Variants in PCDHGB6 observed in about 807,000 individuals in gnomAD.
PCDHGB6 encodes the protein protocadherin gamma-B6.
In PCDHGB6, 51 loss-of-function variants were observed where a neutral mutation model predicts 59.1. That is an observed-to-expected ratio of 0.86 (90% CI 0.69 to 1.09). The LOEUF is 1.09. Ranked by LOEUF, PCDHGB6 falls within the 50% of genes least tolerant of loss-of-function variation. The pLI is 0.00. For synonymous variants in PCDHGB6, 466 were observed against 495.1 expected (o/e 0.94, Z 0.78); for missense variants, 1,148 against 1,205.1 (o/e 0.95, Z 0.70).
rs761331515 is a variant in PCDHGB6, at chr5:141,409,857, T to C, written c.1655T>C (p.Val552Ala). The C allele has an allele frequency of 1.2e-6, 2 of 1,612,228 alleles. No homozygotes were observed. The highest frequency in any genetic ancestry group is 2.7e-5 in the African/African-American group (2 of 74,882). The change falls in exon 1 of 4, where the codon GTG becomes GCG. Residue 552 changes from valine (V) to alanine (A), a missense_variant. By Grantham distance (64) the Val-to-Ala change is moderately conservative. This residue lies in a region of PCDHGB6 where 549 missense variants were observed against 527.5 expected (regional missense o/e 1.04). Transcript: ENST00000520790. The stretch of plus-strand genomic sequence containing the variant: ...GCCAACGTGAGCCTGCGCGTGTTGG[T>C]GGGAGACCGCAATGACAACGCACCG... ...LSANVSLRVL[V>A]GDRNDNAPRV...
At chr5:141,471,217 T>G (rs2099252724) in intron 1 of PCDHGB6, 1 of 151,568 alleles carries the variant, frequency 6.6e-6, no homozygotes, top group South Asian at 2.1e-4. Context: ...GCCTGGCAAT[T>G]TTTTTGTATT....
At chr5:141,460,335 T>C (rs1201595717) in intron 1 of PCDHGB6, among the ~76,000 whole-genome samples, 3 of 152,194 alleles carry the variant, frequency 2.0e-5, no homozygotes, top group Non-Finnish European at 4.4e-5. Flanking sequence ...CTTATGATGA[T>C]TTTCTCCTAT....
intron 1 of PCDHGB6, chr5:141,423,914 A>G (rs2096790099): frequency 3.0e-5 from 38 of 1,268,116 alleles, no homozygotes; most frequent in Non-Finnish European, 3.0e-6. Flanking sequence ...GGGGCCATTC[A>G]ACTATGCTGG....
chr5:141,435,804 A>AT (rs2097781092), intron 1 of PCDHGB6, among the ~76,000 whole-genome samples: 1 of 151,814 alleles, frequency 6.6e-6, no homozygotes, highest in Non-Finnish European at 1.5e-5. Flanking sequence ...CGTCCCAATT[A>AT]TTTTTTCTTT....
chr5:141,501,390 T>TCAC (rs1033806087), intron 2 of PCDHGB6, among the ~76,000 whole-genome samples: 4 of 151,794 alleles, frequency 2.6e-5, no homozygotes, highest in African/African-American at 9.7e-5. Flanking sequence ...CTAGGTCCTG[T>TCAC]CACAGGCCAC....
rs771946302 is a variant in PCDHGB6, at chr5:141,410,024, G to A, written c.1822G>A (p.Val608Met). 1.9e-6 allele frequency: 3 copies of A among 1,613,164 alleles called. No individual in the cohort carries two copies. The highest frequency in any genetic ancestry group is 1.1e-5 in the South Asian group (1 of 91,088). ...ACACAACGCCTGGCTGTCCTACCAC[G>A]TGCTGCAGGCCAGTGAGCCCGGACT... ...SGHNAWLSYH[V>M]LQASEPGLFS... Residue 608 changes from valine to methionine, a missense_variant, in exon 1 of 4, where the codon GTG becomes ATG. Around this residue, in one of 5 missense-constraint regions of PCDHGB6, gnomAD observed 549 missense variants for 527.5 expected, o/e 1.04. Coordinates refer to ENST00000520790, the MANE Select transcript of PCDHGB6 (RefSeq NM_018926.3).
Position 141,409,183 on chromosome 5 carries a change from C to G in PCDHGB6, c.981C>G (p.Leu327=), listed in dbSNP as rs1217234895. 6 of 1,614,028 alleles carry G rather than the reference C, an allele frequency of 3.7e-6. No homozygotes were observed. The highest frequency in any genetic ancestry group is 5.1e-6 in the Non-Finnish European group (6 of 1,179,906). ...TGGAAGCGAAGGACGGAGGTGGTCT[C>G]TCTACCCAGTGTAAAGTAATCATAG... ...MEVEAKDGGG[L]STQCKVIIEI... is the part of the protein sequence containing the mutation. The change falls in exon 1 of 4, where the codon CTC becomes CTG. Residue 327 remains leucine (L), a synonymous_variant. Transcript: ENST00000520790.
Position 141,485,618 on chromosome 5 carries a change from G to A in PCDHGB6, c.2419-9189G>A, listed in dbSNP as rs2099616729. 2.5e-6 allele frequency: 4 copies of A among 1,612,092 alleles called. No individual in the cohort carries two copies. Among genetic ancestry groups the A allele is most frequent in the Non-Finnish European group, 3.4e-6 (4 of 1,178,672 alleles). On this transcript the variant is annotated intron_variant, in intron 1 of 3. Coordinates refer to ENST00000520790, the MANE Select transcript of PCDHGB6 (RefSeq NM_018926.3). This position sits in a 1 kb window ranked among gnomAD's most constrained non-coding sequence, Gnocchi z 5.7. The stretch of plus-strand genomic sequence containing the variant: ...GGAAATTGGGGAGGCAGCTCCTCCA[G>A]GACAGCGTTTCCCGTTGGAAAAGGC...
In PCDHGB6 at chr5:141,486,444, T is replaced by C. The variant is rs769032995; in HGVS notation, c.2419-8363T>C. 2 of 1,614,086 alleles carry C rather than the reference T, an allele frequency of 1.2e-6. No individual in the cohort carries two copies. On this transcript the variant is annotated intron_variant, in intron 1 of 3. Transcript: ENST00000520790. This position sits in a 1 kb window ranked among gnomAD's most constrained non-coding sequence, Gnocchi z 5.0. ...GAGGCCAAATCTAGCTATGACATCA[T>C]GGTCACTGCTTCTGATGCTGGGAAC...
chr5:141,410,333 A>G lies in PCDHGB6; in HGVS notation c.2131A>G (p.Ile711Val), dbSNP rs774436706. 4.7e-5 allele frequency: 76 copies of G among 1,613,666 alleles called. No individual in the cohort carries two copies. Among genetic ancestry groups the G allele is most frequent in the Non-Finnish European group, 4.0e-5 (47 of 1,179,884 alleles). ...CTTCCTCCTCGCCGTGATTCTGGCC[A>G]TTGCCTTGCGCCTGCGACGCTCTCT... ...VLFLLAVILA[I>V]ALRLRRSLSP... Residue 711 changes from isoleucine to valine, a missense_variant, in exon 1 of 4, where the codon ATT becomes GTT. This residue lies in a region of PCDHGB6 where 283 missense variants were observed against 318.6 expected (regional missense o/e 0.89). Transcript: ENST00000520790.
intron 1 of PCDHGB6, chr5:141,419,779 GC>G: frequency 1.2e-6 from 2 of 1,614,064 alleles, no homozygotes; most frequent in African/African-American, 2.7e-5. Context: ...CGGTCCGCCA[GC>G]GCCTGCTAGT....
intron 1 of PCDHGB6, chr5:141,423,311 T>G: frequency 2.5e-6 from 4 of 1,614,134 alleles, no homozygotes; most frequent in Non-Finnish European, 3.4e-6. Flanking sequence ...CTGTACTTGG[T>G]GGTGGCGGTG....
chr5:141,474,499 C>T (rs1480109147), intron 1 of PCDHGB6, among the ~76,000 whole-genome samples: 1 of 152,198 alleles, frequency 6.6e-6, no homozygotes, highest in Non-Finnish European at 1.5e-5. Context: ...TCTTCTAATG[C>T]CTATCAGCCC....
At position 141,408,897 on chromosome 5, in the gene PCDHGB6, T is replaced by C. The variant is rs1156707427; in HGVS notation, c.695T>C (p.Val232Ala). 6.2e-7 allele frequency: 1 copy of C among 1,613,118 alleles called. No individual in the cohort carries two copies. The highest frequency in any genetic ancestry group is 2.2e-5 in the East Asian group (1 of 44,852). The change falls in exon 1 of 4, where the codon GTC (valine) becomes GCC (alanine). Residue 232 changes from valine to alanine, a missense_variant. Val to Ala is a moderately conservative substitution (Grantham distance 64). Transcript: ENST00000520790. ...GCCACCGCTCACATAGAAATTTCTG[T>C]CAAGGATACCAATGATAACCCCCCG... ...RSATAHIEISVKDTNDNPPVF... is the reference protein window; with the variant it reads ...RSATAHIEISAKDTNDNPPVF...
rs1427716409 is a variant in PCDHGB6, at chr5:141,410,087, G to C, written c.1885G>C (p.Ala629Pro). 1 of 1,612,364 alleles carries C rather than the reference G, an allele frequency of 6.2e-7. No homozygotes were observed. The highest frequency in any genetic ancestry group is 1.7e-5 in the Admixed American group (1 of 59,956). The change falls in exon 1 of 4, where the codon GCT becomes CCT. Residue 629 changes from alanine (A) to proline (P), a missense_variant. Transcript: ENST00000520790. ...LGLRTGEVRT[A>P]RALGDRDAAR... ...GCTGCGCACTGGGGAGGTGCGCACG[G>C]CTCGAGCCTTAGGCGACAGGGACGC... is the stretch of plus-strand genomic sequence containing the variant.
At position 141,431,056 on chromosome 5, in the gene PCDHGB6, C is replaced by T; in HGVS notation, c.2418+20436C>T. ...ACCGGGAGGAGCTCTGTATGGGGGC[C>T]ATCAAGTGTCAATTAAATCTAGACA... On this transcript the variant is annotated intron_variant, in intron 1 of 3. Transcript: ENST00000520790. The surrounding 1 kb of genome is among the most constrained non-coding windows in gnomAD (Gnocchi z 4.8). 1 of 1,614,126 alleles carries T rather than the reference C, an allele frequency of 6.2e-7. No homozygotes were observed. The highest frequency in any genetic ancestry group is 8.5e-7 in the Non-Finnish European group (1 of 1,180,000).
intron 1 of PCDHGB6, chr5:141,423,131 A>G (rs370773437): frequency 1.9e-6 from 3 of 1,613,538 alleles, no homozygotes; most frequent in Admixed American, 1.7e-5. Context: ...GCACTGCTGG[A>G]CAGAGACGCG....
intron 1 of PCDHGB6, among the ~76,000 whole-genome samples, chr5:141,449,281 G>A (rs1051064124): frequency 6.6e-6 from 1 of 151,946 alleles, no homozygotes; most frequent in Non-Finnish European, 1.5e-5. Context: ...TCCTTCACCC[G>A]GATGCACCGG....
At chr5:141,497,223 T>C (rs921763195) in intron 2 of PCDHGB6, among the ~76,000 whole-genome samples, 1 of 151,762 alleles carries the variant, frequency 6.6e-6, no homozygotes, top group Admixed American at 6.6e-5. Context: ...GGGGGGAAGA[T>C]CAGAGAAGGC....
Sources: gnomAD v4.1 joint callset for allele counts (sites outside exome capture counted in the v4.1 genomes callset) on GRCh38, gnomAD v4.1.1 for gene constraint, gnomAD v4.1.1 regional missense constraint, Gnocchi (gnomAD v3.1) non-coding constraint, MANE v1.5 for transcripts, NCBI Gene and HGNC (gene_info 2026-07-23, HGNC 2026-07-21) for gene names.